The following MYOM1 variants were observed in gnomAD, a reference collection of about 807,000 sequenced individuals.
The protein encoded by MYOM1 is myomesin-1.
A neutral mutation model predicts 205.3 loss-of-function variants in MYOM1; 164 were observed. The observed-to-expected ratio is 0.80, with a 90% CI of 0.70 to 0.91. MYOM1 has a LOEUF of 0.91. Among genes scored for constraint, MYOM1 ranks in the 40% least tolerant of loss-of-function variants. The pLI is 0.00. For missense variants in MYOM1, 2,011 were observed against 2,127.3 expected (o/e 0.95, Z 1.08); for synonymous variants, 772 against 789.4 (o/e 0.98, Z 0.37).
intron 1 of MYOM1, 87 bp from the exon 2 acceptor site, chr18:3,215,338 A>C: frequency 2.8e-6 from 3 of 1,082,104 alleles, no homozygotes; most frequent in African/African-American, 1.6e-5. Context: ...AAAAATCAAT[A>C]CTCTTGGCTG....
Position 3,074,250 on chromosome 18 carries a change from C to T in MYOM1, c.4708+1204G>A, listed in dbSNP as rs180775014. 1.4e-3 allele frequency among the ~76,000 whole-genome samples: 217 copies of T among 152,276 alleles called. 1 individual carries two copies. Among genetic ancestry groups the T allele is most frequent in the African/African-American group, 4.8e-3 (201 of 41,548 alleles). On this transcript the variant is annotated intron_variant, in intron 36 of 37. Transcript: ENST00000356443. ...CCCAGTACCAGCCTCTGTCCCTTAC[C>T]CCCAGCTGCAGTCCACATACACAGG...
At chr18:3,196,571 C>T (rs1331303937) in intron 2 of MYOM1, among the ~76,000 whole-genome samples, 1 of 152,092 alleles carries the variant, frequency 6.6e-6, no homozygotes, top group African/African-American at 2.4e-5. Context: ...TGAAAGCAAT[C>T]AAATTAAGCA....
intron 5 of MYOM1, among the ~76,000 whole-genome samples, chr18:3,183,768 T>C (rs990183059): frequency 3.3e-5 from 5 of 152,198 alleles, no homozygotes; most frequent in African/African-American, 1.2e-4. Context: ...GCCAGCAATG[T>C]TATCACCAAC....
intron 19 of MYOM1, among the ~76,000 whole-genome samples, chr18:3,125,621 T>C (rs1168467836): frequency 1.3e-5 from 2 of 151,670 alleles, no homozygotes; most frequent in Non-Finnish European, 2.9e-5. Context: ...TGATATTTCA[T>C]AAATTTCAAA....
chr18:3,077,031 A>T (rs1483305941), intron 34 of MYOM1, among the ~76,000 whole-genome samples: 2 of 133,072 alleles, frequency 1.5e-5, no homozygotes, highest in African/African-American at 6.6e-5. Context: ...TTTTTTTTTC[A>T]AGAGACAGGG....
chr18:3,188,783 G>C lies in MYOM1; in HGVS notation c.736C>G (p.Arg246Gly). The C allele has an allele frequency of 1.2e-6, 2 of 1,601,112 alleles. No homozygotes were observed. Among genetic ancestry groups the C allele is most frequent in the Non-Finnish European group, 1.7e-6 (2 of 1,171,572 alleles). Residue 246 changes from arginine to glycine, a missense_variant, in exon 4 of 38, where the codon CGA becomes GGA. Coordinates refer to ENST00000356443, the MANE Select transcript of MYOM1 (RefSeq NM_003803.4). Reference protein sequence around the residue: ...SEKKSRKVVIREKAERLSLRK... With the variant: ...SEKKSRKVVIGEKAERLSLRK... ...AGGGACAGGCGTTCTGCCTTTTCTCGAATCACAACTTTCCTTGACTTCTTT... is the reference window on the plus strand; with the variant it reads ...AGGGACAGGCGTTCTGCCTTTTCTCCAATCACAACTTTCCTTGACTTCTTT...
intron 8 of MYOM1, 101 bp downstream of exon 8, chr18:3,173,837 T>C (rs2080595018): frequency 9.5e-7 from 1 of 1,052,528 alleles, no homozygotes; most frequent in African/African-American, 1.6e-5. Flanking sequence ...TAGCATATAC[T>C]ATGTTATATA....
At chr18:3,131,592 A>ATT in intron 16 of MYOM1, 96 bp from the exon 17 acceptor site, 1 of 1,126,052 alleles carries the variant, frequency 8.9e-7, no homozygotes, top group Non-Finnish European at 1.2e-6. Context: ...TATGAAAACA[A>ATT]TTCTTTTTTT....
chr18:3,182,956 G>A (rs1308018065), intron 5 of MYOM1, among the ~76,000 whole-genome samples: 3 of 113,434 alleles, frequency 2.6e-5, no homozygotes, highest in Admixed American at 1.4e-4. Flanking sequence ...ACAGAGTTTC[G>A]CTCTTGTTGC....
At chr18:3,234,317 G>C in the MYOM1 span, among the ~76,000 whole-genome samples, 1 of 152,198 alleles carries the variant, frequency 6.6e-6, no homozygotes, top group African/African-American at 2.4e-5. Flanking sequence ...GGAAACAGTA[G>C]AGGAAAATCC....
At chr18:3,134,955 A>ATTTTT in intron 15 of MYOM1, 131 bp from the exon 16 acceptor site, 74 of 718,462 alleles carry the variant, frequency 1.0e-4, no homozygotes, top group Non-Finnish European at 1.4e-4. Context: ...TTATTTTACG[A>ATTTTT]TTTTTTTTTT....
rs751087723 is a variant in MYOM1 at position 3,214,971 on chromosome 18, T to G, written c.253A>C (p.Lys85Gln). ...CCATAATCGTAGGCTGAGGCTGCCT[T>G]CCGACTGACTTCAGAGCTCAGGGCG... Reference protein sequence around the residue: ...QHALSSEVSRKAASAYDYGSS... With the variant: ...QHALSSEVSRQAASAYDYGSS... Residue 85 changes from lysine to glutamine, a missense_variant, in exon 2 of 38, where the codon AAG (lysine) becomes CAG (glutamine). By Grantham distance (53) the Lys-to-Gln change is moderately conservative (BLOSUM62 1). Coordinates refer to ENST00000356443, the MANE Select transcript of MYOM1 (RefSeq NM_003803.4). The G allele has an allele frequency of 1.2e-6, 2 of 1,608,952 alleles. No individual in the cohort carries two copies. Among genetic ancestry groups the G allele is most frequent in the Non-Finnish European group, 1.7e-6 (2 of 1,176,816 alleles).
the MYOM1 span, among the ~76,000 whole-genome samples, chr18:3,245,367 C>T: frequency 6.6e-6 from 1 of 152,160 alleles, no homozygotes; most frequent in South Asian, 2.1e-4. Flanking sequence ...GAGCAAGACC[C>T]TGTTTCACTC....
rs375155656 is a variant in MYOM1 at position 3,215,114 on chromosome 18, G to A, written c.110C>T (p.Ala37Val). 2.9e-4 allele frequency: 469 copies of A among 1,613,604 alleles called. No homozygotes were observed. Among genetic ancestry groups the A allele is most frequent in the African/African-American group, 7.1e-4 (53 of 74,876 alleles). Residue 37 changes from alanine to valine, a missense_variant, in exon 2 of 38, where the codon GCC (alanine) becomes GTC (valine). Ala to Val is a moderately conservative substitution (Grantham distance 64). Transcript: ENST00000356443. ...GGCCGTGGAGCCCTGGGTGTAGACG[G>A]CGGAGCGTTTCTTCTCCCGCTGGTA... is the stretch of plus-strand genomic sequence containing the variant. ...SHYQREKKRS[A>V]VYTQGSTAYS...
chr18:3,090,432 C>T (rs534874863), intron 27 of MYOM1, among the ~76,000 whole-genome samples: 1 of 152,040 alleles, frequency 6.6e-6, no homozygotes, highest in Admixed American at 6.6e-5. Context: ...GTTGGCCAGG[C>T]TGGTCTTAAA....
intron 33 of MYOM1, among the ~76,000 whole-genome samples, chr18:3,083,451 C>T (rs1411819300): frequency 1.1e-5 from 1 of 91,486 alleles, no homozygotes; most frequent in African/African-American, 4.1e-5. Flanking sequence ...TTTTTTGAGA[C>T]AGTGTCTCAC....
chr18:3,181,485 T>C (rs948335101), intron 5 of MYOM1, among the ~76,000 whole-genome samples: 7 of 152,218 alleles, frequency 4.6e-5, no homozygotes, highest in African/African-American at 1.7e-4. Context: ...AGCTGTTTTT[T>C]CTATGATAAT....
At chr18:3,187,036 G>A (rs1025569598) in intron 5 of MYOM1, among the ~76,000 whole-genome samples, 6 of 152,174 alleles carry the variant, frequency 3.9e-5, no homozygotes, top group Non-Finnish European at 7.4e-5. Context: ...CAGCTCACAT[G>A]AGGGGTAGAG....
intron 6 of MYOM1, 23 bp from the exon 7 acceptor site, chr18:3,174,231 A>G: frequency 6.3e-7 from 1 of 1,597,584 alleles, no homozygotes; most frequent in South Asian, 1.1e-5. Flanking sequence ...ACGGAAATGA[A>G]TATCCATCGT....
Sources: allele counts gnomAD v4.1 joint callset (sites outside exome capture counted in the v4.1 genomes callset), GRCh38; gene constraint gnomAD v4.1.1; transcripts MANE v1.5; gene names NCBI Gene and HGNC (gene_info 2026-07-23, HGNC 2026-07-21).